Variants in ARHGAP8 observed in about 807,000 individuals in gnomAD.
ARHGAP8 encodes rho GTPase-activating protein 8.
A neutral mutation model predicts 46.1 loss-of-function variants in ARHGAP8; 62 were observed. The observed-to-expected ratio is 1.34, with a 90% CI of 1.10 to 1.66. ARHGAP8 has a LOEUF of 1.66. Among genes scored for constraint, ARHGAP8 ranks in the 40% most tolerant of loss-of-function variants. The pLI is 0.00. For synonymous variants in ARHGAP8, 375 were observed against 243.1 expected (o/e 1.54, Z -5.05); for missense variants, 923 against 568.4 (o/e 1.62, Z -6.34).
rs1225617877 is a variant in ARHGAP8, at chr22:44,862,434, T to C, written c.1141T>C (p.Phe381Leu). 4 of 1,614,006 alleles carry C rather than the reference T, an allele frequency of 2.5e-6. No individual in the cohort carries two copies. The highest frequency in any genetic ancestry group is 2.7e-5 in the African/African-American group (2 of 74,924). The change falls in exon 12 of 12, where the codon TTC becomes CTC. Residue 381 changes from phenylalanine (F) to leucine (L), a missense_variant. Phe to Leu is a conservative substitution (Grantham distance 22). Coordinates refer to ENST00000356099, the MANE Select transcript of ARHGAP8 (RefSeq NM_181335.3). The stretch of plus-strand genomic sequence containing the variant: ...GCTGATCGAGTACTATGAAAAGATC[T>C]TCAGCACCCCGGAGGCACCTGGGGA... ...ELLIEYYEKI[F>L]STPEAPGEHG...
chr22:44,769,441 CT>C (rs1925839549), intron 1 of ARHGAP8, among the ~76,000 whole-genome samples: 1 of 152,024 alleles, frequency 6.6e-6, no homozygotes. Flanking sequence ...ATTCTGGGCC[CT>C]TTTTAGTTTC....
At chr22:44,755,703 G>C (rs1457643201) in intron 1 of ARHGAP8, among the ~76,000 whole-genome samples, 1 of 152,214 alleles carries the variant, frequency 6.6e-6, no homozygotes, top group Non-Finnish European at 1.5e-5. Flanking sequence ...CTCTCTCCAA[G>C]TTAGGTCTTT....
intron 2 of ARHGAP8, among the ~76,000 whole-genome samples, chr22:44,790,932 C>T (rs916513886): frequency 7.9e-5 from 12 of 151,936 alleles, no homozygotes; most frequent in South Asian, 2.1e-4. Context: ...AGGGTTTCAC[C>T]GTGTTGCCCA....
chr22:44,806,405 G>A (rs554404751), intron 3 of ARHGAP8, among the ~76,000 whole-genome samples: 28 of 152,298 alleles, frequency 1.8e-4, no homozygotes, highest in Admixed American at 2.6e-4. Flanking sequence ...AGCAGACAAC[G>A]GGATGGGAGC....
intron 1 of ARHGAP8, among the ~76,000 whole-genome samples, chr22:44,780,579 C>T (rs1461553560): frequency 2.0e-5 from 3 of 149,216 alleles, no homozygotes; most frequent in African/African-American, 7.6e-5. Flanking sequence ...GGAGAATCTA[C>T]TGAACCAGGG....
chr22:44,822,550 T>C, intron 6 of ARHGAP8, 81 bp downstream of exon 6: 1 of 1,259,050 alleles, frequency 7.9e-7, no homozygotes, highest in Non-Finnish European at 1.1e-6. Context: ...CATGAATGTT[T>C]AAGGCTTGAT....
chr22:44,862,396 T>C lies in ARHGAP8; in HGVS notation c.1103T>C (p.Met368Thr). 6.2e-7 allele frequency: 1 copy of C among 1,614,100 alleles called. No individual in the cohort carries two copies. The highest frequency in any genetic ancestry group is 8.5e-7 in the Non-Finnish European group (1 of 1,180,002). ...SSLSALVPLNMFTELLIEYYE... is the reference protein window; with the variant it reads ...SSLSALVPLNTFTELLIEYYE... ...CTGAGTGCCCTTGTGCCCCTGAACA[T>C]GTTCACTGAACTGCTGATCGAGTAC... The change falls in exon 12 of 12, where the codon ATG becomes ACG. Residue 368 changes from methionine to threonine, a missense_variant. Physicochemically the swap from Met to Thr is moderately conservative, Grantham distance 81 (BLOSUM62 -1). Coordinates refer to ENST00000356099, the MANE Select transcript of ARHGAP8 (RefSeq NM_181335.3).
At chr22:44,792,083 G>C (rs1927732031) in intron 2 of ARHGAP8, among the ~76,000 whole-genome samples, 1 of 151,400 alleles carries the variant, frequency 6.6e-6, no homozygotes, top group Non-Finnish European at 1.5e-5. Flanking sequence ...TGCGATCTCA[G>C]CTCACTGCAA....
intron 1 of ARHGAP8, among the ~76,000 whole-genome samples, chr22:44,772,008 TC>T (rs1228909690): frequency 2.6e-5 from 4 of 152,208 alleles, no homozygotes; most frequent in Admixed American, 2.6e-4. Context: ...TTTCAGTCTT[TC>T]ACTGTTCTGT....
chr22:44,825,110 C>G (rs577117017), intron 6 of ARHGAP8, among the ~76,000 whole-genome samples: 1 of 151,512 alleles, frequency 6.6e-6, no homozygotes, highest in African/African-American at 2.4e-5. Context: ...ACAAAAGGGA[C>G]GAGGTTCCTT....
chr22:44,820,767 C>G (rs1930069392), intron 5 of ARHGAP8, among the ~76,000 whole-genome samples: 1 of 152,170 alleles, frequency 6.6e-6, no homozygotes, highest in East Asian at 1.9e-4. Context: ...CCTCCCTCAG[C>G]CCCCGGGTCC....
intron 10 of ARHGAP8, among the ~76,000 whole-genome samples, chr22:44,856,505 C>T (rs970046242): frequency 6.6e-6 from 1 of 152,046 alleles, no homozygotes; most frequent in Admixed American, 6.6e-5. Context: ...AACTCCTGAT[C>T]TCAGGTGATC....
intron 1 of ARHGAP8, among the ~76,000 whole-genome samples, chr22:44,765,611 C>T (rs1292631981): frequency 3.3e-5 from 5 of 152,142 alleles, no homozygotes; most frequent in Admixed American, 1.3e-4. Flanking sequence ...CATCAAGCAT[C>T]GGGACCCCCT....
chr22:44,791,087 C>T (rs999248260), intron 2 of ARHGAP8, among the ~76,000 whole-genome samples: 7 of 152,018 alleles, frequency 4.6e-5, no homozygotes, highest in African/African-American at 9.7e-5. Flanking sequence ...GTGGGTACCC[C>T]GGGGACTGGG....
chr22:44,856,254 C>CTTTTTTTTTTT lies in ARHGAP8; in HGVS notation c.878-3452_878-3442dup, dbSNP rs557242169. On this transcript the variant is annotated intron_variant, in intron 10 of 11. Transcript: ENST00000356099. ...TACTGTCTGGCCAGCTATAAATTCC[C>CTTTTTTTTTTT]TTTTTTTTTTTTTTTTTTTTTTTTT... 9.2e-5 allele frequency among the ~76,000 whole-genome samples: 8 copies of CTTTTTTTTTTT among 86,880 alleles called. 2 individuals are homozygous for CTTTTTTTTTTT. Among genetic ancestry groups the CTTTTTTTTTTT allele is most frequent in the African/African-American group, 2.9e-4 (6 of 20,606 alleles). The allele number at this position is 86,880 out of a possible 152,430, so 57.0% of individuals were successfully genotyped here.
intron 1 of ARHGAP8, among the ~76,000 whole-genome samples, chr22:44,774,802 G>A (rs184327382): frequency 1.1e-4 from 17 of 151,326 alleles, no homozygotes; most frequent in Middle Eastern, 3.4e-3. Flanking sequence ...AATTACAGGC[G>A]TGAGCCACCG....
At chr22:44,838,523 C>G (rs1931441079) in intron 7 of ARHGAP8, among the ~76,000 whole-genome samples, 1 of 152,056 alleles carries the variant, frequency 6.6e-6, no homozygotes, top group Admixed American at 6.6e-5. Flanking sequence ...ATCCACCCAC[C>G]CCGGCCTCCC....
At chr22:44,799,836 T>G in intron 2 of ARHGAP8, among the ~76,000 whole-genome samples, 1 of 147,342 alleles carries the variant, frequency 6.8e-6, no homozygotes, top group Non-Finnish European at 1.5e-5. Flanking sequence ...GGGTGGGTGG[T>G]GACATCAGAC....
intron 11 of ARHGAP8, among the ~76,000 whole-genome samples, chr22:44,860,478 G>A (rs971655977): frequency 3.9e-5 from 6 of 151,910 alleles, no homozygotes; most frequent in Non-Finnish European, 8.8e-5. Context: ...TCCTAAGTGT[G>A]GACCCCCTGC....
Sources: allele counts gnomAD v4.1 joint callset (sites outside exome capture counted in the v4.1 genomes callset), GRCh38; gene constraint gnomAD v4.1.1; transcripts MANE v1.5; gene names NCBI Gene and HGNC (gene_info 2026-07-23, HGNC 2026-07-21).